The following ERICH6B variants were observed in gnomAD, a reference collection of about 807,000 sequenced individuals.
ERICH6B encodes the protein glutamate-rich protein 6B.
Under a neutral mutation model 80.0 loss-of-function variants are expected in ERICH6B, and 69 were observed. The ratio of observed to expected loss-of-function variants is 0.86; its 90% confidence interval spans 0.71 to 1.05. The LOEUF (loss-of-function observed/expected upper bound fraction) is 1.05, where lower values mean the gene tolerates loss of function less well. Among genes scored for constraint, ERICH6B ranks in the 50% least tolerant of loss-of-function variants. The pLI is 0.00. For missense variants in ERICH6B, 754 were observed against 796.1 expected (o/e 0.95, Z 0.64); for synonymous variants, 283 against 291.9 (o/e 0.97, Z 0.31).
At chr13:45,579,753 C>T (rs1175963652) in intron 7 of ERICH6B, among the ~76,000 whole-genome samples, 180 bp downstream of exon 7, 1 of 152,112 alleles carries the variant, frequency 6.6e-6, no homozygotes, top group Non-Finnish European at 1.5e-5. Flanking sequence ...CTCTCTGTTT[C>T]TCGTTTTAGC....
chr13:45,598,713 G>T (rs1432469828), intron 2 of ERICH6B, among the ~76,000 whole-genome samples: 1 of 152,126 alleles, frequency 6.6e-6, no homozygotes, highest in Non-Finnish European at 1.5e-5. Flanking sequence ...GAACACAGAA[G>T]TACACTGCCC....
chr13:45,580,660 AT>A lies in ERICH6B; in HGVS notation c.861del (p.Lys287AsnfsTer3). ...TCTGTTTCTGATTTCGATTTTAAAG[AT>A]TTTACTGTTAAAAGGCAGAAGAGGG... ...TDWCYDRTAV[K>X]SLKSKSETEQ... is the part of the protein sequence containing the mutation. On this transcript the variant is annotated frameshift_variant, in exon 6 of 15. Coordinates refer to ENST00000298738, the MANE Select transcript of ERICH6B (RefSeq NM_182542.3). LOFTEE classifies it high-confidence loss of function. 1 of 1,551,678 alleles carries A rather than the reference AT, an allele frequency of 6.4e-7. No homozygotes were observed. Among genetic ancestry groups the A allele is most frequent in the Non-Finnish European group, 8.7e-7 (1 of 1,146,998 alleles).
In ERICH6B at chr13:45,549,951, G is replaced by A. The variant is rs983634288; in HGVS notation, c.1588C>T (p.Arg530Trp). ...TTGCCTGAGTTGTTGATAAGGGCCC[G>A]GATCCTCCCTTCTAGACTGTCTTCC... ...ILEDSLEGRI[R>W]ALINNSGNAT... The change falls in exon 13 of 15, where the codon CGG becomes TGG. Residue 530 changes from arginine to tryptophan, a missense_variant. By Grantham distance (101) the Arg-to-Trp change is moderately radical (BLOSUM62 -3). Coordinates refer to ENST00000298738, the MANE Select transcript of ERICH6B (RefSeq NM_182542.3). 36 of 1,551,496 alleles carry A rather than the reference G, an allele frequency of 2.3e-5. No individual in the cohort carries two copies. Among genetic ancestry groups the A allele is most frequent in the Admixed American group, 1.8e-4 (9 of 50,978 alleles).
intron 10 of ERICH6B, among the ~76,000 whole-genome samples, chr13:45,563,229 A>G (rs1874766117): frequency 6.6e-6 from 1 of 152,014 alleles, no homozygotes; most frequent in Admixed American, 6.5e-5. Flanking sequence ...ACTCCCCCAA[A>G]TCTGTGTTAG....
chr13:45,590,613 G>C, intron 4 of ERICH6B, 36 bp downstream of exon 4: 1 of 1,542,256 alleles, frequency 6.5e-7, no homozygotes, highest in South Asian at 1.2e-5. Flanking sequence ...CCAAGCAGGA[G>C]TTTCCACCTG....
intron 3 of ERICH6B, among the ~76,000 whole-genome samples, chr13:45,592,452 C>G (rs1003387012): frequency 6.6e-6 from 1 of 152,204 alleles, no homozygotes; most frequent in African/African-American, 2.4e-5. Flanking sequence ...GCTAGGTTCC[C>G]TGTTGGAAAT....
At chr13:45,565,858 A>C (rs945563392) in intron 9 of ERICH6B, among the ~76,000 whole-genome samples, 4 of 152,226 alleles carry the variant, frequency 2.6e-5, no homozygotes, top group Admixed American at 2.6e-4. Context: ...AAAATGCGGA[A>C]GTGACTTTGG....
intron 5 of ERICH6B, 72 bp from the exon 6 acceptor site, chr13:45,580,737 A>G (rs1157654546): frequency 7.5e-6 from 11 of 1,460,612 alleles, no homozygotes; most frequent in African/African-American, 1.4e-5. Flanking sequence ...CATACTGGGT[A>G]TGTGGGGTCC....
intron 9 of ERICH6B, among the ~76,000 whole-genome samples, chr13:45,564,134 T>C (rs1443827213): frequency 6.6e-6 from 1 of 152,152 alleles, no homozygotes; most frequent in Non-Finnish European, 1.5e-5. Flanking sequence ...CTCACACAGA[T>C]GGATTTGATT....
chr13:45,579,007 G>A (rs950094033), intron 7 of ERICH6B, among the ~76,000 whole-genome samples: 5 of 152,190 alleles, frequency 3.3e-5, no homozygotes, highest in Non-Finnish European at 4.4e-5. Flanking sequence ...CTGTTCTCAC[G>A]CCACTGGGCA....
At position 45,561,538 on chromosome 13, in the gene ERICH6B, T is replaced by G; in HGVS notation, c.1250-12A>C. On this transcript the variant is annotated splice_polypyrimidine_tract_variant and intron_variant, in intron 10 of 14. Transcript: ENST00000298738. Reference sequence around the variant, plus strand: ...TGTTAACTTTTGAGCTGCCATTCAATTCAACGATTGCATTGAATAAGATTT... The same window carrying G: ...TGTTAACTTTTGAGCTGCCATTCAAGTCAACGATTGCATTGAATAAGATTT... 1.3e-6 allele frequency: 2 copies of G among 1,550,700 alleles called. No individual in the cohort carries two copies. The highest frequency in any genetic ancestry group is 1.7e-6 in the Non-Finnish European group (2 of 1,146,680).
At chr13:45,580,991 C>T (rs1003763984) in intron 5 of ERICH6B, among the ~76,000 whole-genome samples, 3 of 152,162 alleles carry the variant, frequency 2.0e-5, no homozygotes, top group Admixed American at 1.3e-4. Flanking sequence ...AAGAGGAAGA[C>T]TTTAGAGGTA....
At chr13:45,580,753 T>G (rs1875622112) in intron 5 of ERICH6B, 88 bp from the exon 6 acceptor site, 4 of 1,357,866 alleles carry the variant, frequency 2.9e-6, no homozygotes, top group Non-Finnish European at 3.1e-6. Context: ...GGTCCCAGGT[T>G]CTTTCTTGGC....
chr13:45,549,524 C>G (rs1304649608), intron 13 of ERICH6B, among the ~76,000 whole-genome samples: 1 of 152,190 alleles, frequency 6.6e-6, no homozygotes, highest in Non-Finnish European at 1.5e-5. Context: ...ACTCTGTATG[C>G]ATGTGTCTCC....
chr13:45,583,517 A>G (rs572473851), intron 5 of ERICH6B, among the ~76,000 whole-genome samples: 1 of 152,288 alleles, frequency 6.6e-6, no homozygotes, highest in African/African-American at 2.4e-5. Flanking sequence ...ACCAGTTTGC[A>G]CTTTTGAGAG....
At chr13:45,573,128 T>C (rs1875245767) in intron 8 of ERICH6B, among the ~76,000 whole-genome samples, 1 of 152,162 alleles carries the variant, frequency 6.6e-6, no homozygotes. Flanking sequence ...TATGTAATAA[T>C]AATATATGTA....
chr13:45,609,270 G>A (rs1014904783), intron 1 of ERICH6B, among the ~76,000 whole-genome samples: 1 of 152,142 alleles, frequency 6.6e-6, no homozygotes, highest in Non-Finnish European at 1.5e-5. Flanking sequence ...CTGCCCTTCT[G>A]GAAATCCTCC....
chr13:45,585,868 A>G (rs1463972408), intron 5 of ERICH6B, among the ~76,000 whole-genome samples: 2 of 152,232 alleles, frequency 1.3e-5, no homozygotes, highest in Admixed American at 6.5e-5. Context: ...AATGATTTCA[A>G]TGGGGCCCCT....
chr13:45,591,272 A>G (rs925530019), intron 3 of ERICH6B, among the ~76,000 whole-genome samples: 1 of 152,196 alleles, frequency 6.6e-6, no homozygotes, highest in Non-Finnish European at 1.5e-5. Flanking sequence ...CATGCAAGAA[A>G]ATATTATTGA....
Sources: gnomAD v4.1 joint callset for allele counts (sites outside exome capture counted in the v4.1 genomes callset) on GRCh38, gnomAD v4.1.1 for gene constraint, MANE v1.5 for transcripts, NCBI Gene and HGNC (gene_info 2026-07-23, HGNC 2026-07-21) for gene names.